Variants in NCEH1 observed in about 807,000 individuals in gnomAD.
The protein encoded by NCEH1 is 2-acetyl MAGE hydrolase.
Under a neutral mutation model 25.4 loss-of-function variants are expected in NCEH1, and 9 were observed. That is an observed-to-expected ratio of 0.35 (90% confidence interval 0.21 to 0.62). The LOEUF (loss-of-function observed/expected upper bound fraction) is 0.62. Ranked by LOEUF, NCEH1 falls within the 20% of genes least tolerant of loss-of-function variation. The pLI, the probability that NCEH1 is intolerant of heterozygous loss-of-function variation, is 0.72. For synonymous variants in NCEH1, 200 were observed against 199.8 expected (o/e 1.00, Z -0.01); for missense variants, 412 against 501.1 (o/e 0.82, Z 1.70).
chr3:172,686,269 A>G (rs1712688643), intron 1 of NCEH1, among the ~76,000 whole-genome samples: 1 of 152,192 alleles, frequency 6.6e-6, no homozygotes, highest in Admixed American at 6.5e-5. Flanking sequence ...CCAGGGCTCC[A>G]ACCCAGCTGA....
chr3:172,650,463 G>A (rs1170608844), intron 1 of NCEH1, among the ~76,000 whole-genome samples: 1 of 150,612 alleles, frequency 6.6e-6, no homozygotes, highest in Non-Finnish European at 1.5e-5. Flanking sequence ...CTAACATGGT[G>A]AAACCCTGTC....
chr3:172,662,267 C>T (rs1718005793), intron 1 of NCEH1, among the ~76,000 whole-genome samples: 1 of 152,124 alleles, frequency 6.6e-6, no homozygotes, highest in Non-Finnish European at 1.5e-5. Flanking sequence ...AGATGGATTA[C>T]ATTTATTGAT....
intron 1 of NCEH1, among the ~76,000 whole-genome samples, chr3:172,691,362 C>T (rs1213124562): frequency 1.3e-4 from 4 of 31,362 alleles, no homozygotes; most frequent in Non-Finnish European, 2.3e-4. Flanking sequence ...GCTTCTAGAT[C>T]TCTCCTTCAT....
intron 1 of NCEH1, among the ~76,000 whole-genome samples, chr3:172,673,447 A>G (rs1203174437): frequency 1.3e-5 from 2 of 152,236 alleles, no homozygotes; most frequent in African/African-American, 4.8e-5. Flanking sequence ...GAGCTCTTAC[A>G]AGAGCACCTA....
intron 1 of NCEH1, among the ~76,000 whole-genome samples, chr3:172,674,315 G>A (rs1711816138): frequency 1.3e-5 from 2 of 151,892 alleles, no homozygotes; most frequent in East Asian, 1.9e-4. Context: ...GTGGTGGCAC[G>A]TGCCGTAATC....
intron 1 of NCEH1, among the ~76,000 whole-genome samples, chr3:172,656,720 T>C (rs1410218450): frequency 1.3e-5 from 2 of 152,170 alleles, no homozygotes; most frequent in East Asian, 1.9e-4. Flanking sequence ...TGAGCCAATA[T>C]TGCACCACTG....
At chr3:172,668,561 T>C (rs1364537745) in intron 1 of NCEH1, among the ~76,000 whole-genome samples, 2 of 151,922 alleles carry the variant, frequency 1.3e-5, no homozygotes, top group African/African-American at 4.8e-5. Context: ...GTTTCTTCTC[T>C]CTCCGACTGG....
intron 1 of NCEH1, among the ~76,000 whole-genome samples, chr3:172,669,330 TG>T (rs1222443894): frequency 1.3e-5 from 2 of 152,232 alleles, no homozygotes; most frequent in African/African-American, 4.8e-5. Context: ...TAAGATGCTA[TG>T]GCTGAACTTT....
intron 1 of NCEH1, among the ~76,000 whole-genome samples, chr3:172,666,802 CTG>C (rs1298615851): frequency 1.3e-5 from 2 of 152,178 alleles, no homozygotes; most frequent in Non-Finnish European, 1.5e-5. Flanking sequence ...CTCTTACTTT[CTG>C]TGTGTTGAAT....
At chr3:172,652,327 G>A (rs751560464) in intron 1 of NCEH1, among the ~76,000 whole-genome samples, 1 of 152,190 alleles carries the variant, frequency 6.6e-6, no homozygotes, top group Non-Finnish European at 1.5e-5. Flanking sequence ...ATGTACCCAA[G>A]AGTTCAACAG....
chr3:172,666,270 T>TA (rs1197462212), intron 1 of NCEH1, among the ~76,000 whole-genome samples: 1 of 152,218 alleles, frequency 6.6e-6, no homozygotes, highest in Non-Finnish European at 1.5e-5. Flanking sequence ...TGCCTCCGGA[T>TA]AACACCATGT....
chr3:172,676,169 GT>G (rs1362866773), intron 1 of NCEH1, among the ~76,000 whole-genome samples: 5 of 152,202 alleles, frequency 3.3e-5, no homozygotes, highest in Middle Eastern at 3.4e-3. Flanking sequence ...ACTTAAAAAA[GT>G]TTTTTTAGGC....
At chr3:172,655,379 T>C (rs1206140479) in intron 1 of NCEH1, among the ~76,000 whole-genome samples, 4 of 152,210 alleles carry the variant, frequency 2.6e-5, no homozygotes, top group Admixed American at 6.5e-5. Context: ...GCGCACTGGC[T>C]CTGTACCCAG....
At chr3:172,650,812 GAAAA>G (rs768170518) in intron 1 of NCEH1, among the ~76,000 whole-genome samples, 8 of 35,910 alleles carry the variant, frequency 2.2e-4, no homozygotes, top group South Asian at 2.5e-3. Flanking sequence ...ACTCTGCCTC[GAAAA>G]AAAAAAAAAA....
Position 172,631,592 on chromosome 3 carries a change from G to A in NCEH1, c.*1883C>T, listed in dbSNP as rs1354226783. ...GAGGAAAGACGAGGCCCAGAGATGG[G>A]AAGTGGCTTGCCTAAGTACATTAGC... On this transcript the variant is annotated 3_prime_UTR_variant, in exon 5 of 5. Coordinates refer to ENST00000475381, the MANE Select transcript of NCEH1 (RefSeq NM_020792.6). 6.6e-6 allele frequency: 1 copy of A among 152,664 alleles called. No homozygotes were observed. Among genetic ancestry groups the A allele is most frequent in the African/African-American group, 2.4e-5 (1 of 41,460 alleles). 9.5% of individuals were successfully genotyped at this position (152,664 alleles called of 1,614,324 possible).
At chr3:172,650,093 G>T (rs1420571219) in intron 1 of NCEH1, among the ~76,000 whole-genome samples, 1 of 152,214 alleles carries the variant, frequency 6.6e-6, no homozygotes, top group Non-Finnish European at 1.5e-5. Flanking sequence ...CACCTTTCCA[G>T]AAACATCTCT....
At chr3:172,708,582 C>T (rs991862364) in intron 1 of NCEH1, among the ~76,000 whole-genome samples, 1 of 152,220 alleles carries the variant, frequency 6.6e-6, no homozygotes, top group Admixed American at 6.5e-5. Flanking sequence ...TGGTCTCGAA[C>T]TCCTGACCTC....
chr3:172,696,361 C>T (rs529910523), intron 1 of NCEH1, among the ~76,000 whole-genome samples: 1 of 151,272 alleles, frequency 6.6e-6, no homozygotes, highest in Non-Finnish European at 1.5e-5. Flanking sequence ...ATAATGGTGA[C>T]GATAAAAGAA....
intron 1 of NCEH1, among the ~76,000 whole-genome samples, chr3:172,664,813 C>T (rs1223909959): frequency 1.3e-5 from 2 of 152,162 alleles, no homozygotes; most frequent in Non-Finnish European, 2.9e-5. Flanking sequence ...TCCATCAGGT[C>T]ATTTAAGGTC....
Sources: gnomAD v4.1 joint callset for allele counts (sites outside exome capture counted in the v4.1 genomes callset) on GRCh38, gnomAD v4.1.1 for gene constraint, MANE v1.5 for transcripts, NCBI Gene and HGNC (gene_info 2026-07-23, HGNC 2026-07-21) for gene names.